Variants in LRP1B observed in about 807,000 individuals in gnomAD.
LRP1B encodes LDL receptor related protein 1B.
In LRP1B, 217 loss-of-function variants were observed where a neutral mutation model predicts 556.6. The observed-to-expected ratio is 0.39, with a 90% CI of 0.35 to 0.44. LRP1B has a LOEUF of 0.44. Ranked by LOEUF, LRP1B falls within the 20% of genes least tolerant of loss-of-function variation. The pLI is 1.00. For missense variants in LRP1B, 5,053 were observed against 5,620.8 expected, an observed-to-expected ratio of 0.90 and a Z score of 3.23; for synonymous variants, 2,047 against 1,865.8, an observed-to-expected ratio of 1.10 and a Z score of -2.50.
chr2:140,938,415 C>T (rs940601753), intron 20 of LRP1B, among the ~76,000 whole-genome samples: 2 of 152,058 alleles, frequency 1.3e-5, no homozygotes, highest in African/African-American at 4.8e-5. Context: ...GGGCCTAGAT[C>T]TCTTCCAGTG....
At chr2:141,042,274 C>G (rs1389625306) in intron 11 of LRP1B, among the ~76,000 whole-genome samples, 1 of 152,036 alleles carries the variant, frequency 6.6e-6, no homozygotes, top group East Asian at 1.9e-4. Context: ...GAGCAATCAA[C>G]AGGCATGCTT....
intron 3 of LRP1B, among the ~76,000 whole-genome samples, chr2:141,348,816 T>C (rs1238569352): frequency 6.6e-6 from 1 of 152,016 alleles, no homozygotes; most frequent in African/African-American, 2.4e-5. Context: ...AGGGACCTGG[T>C]GGGAAGTAAA....
At chr2:140,588,137 A>G (rs193097423) in intron 43 of LRP1B, among the ~76,000 whole-genome samples, 1 of 152,300 alleles carries the variant, frequency 6.6e-6, no homozygotes, top group Non-Finnish European at 1.5e-5. Flanking sequence ...GTGAACATCA[A>G]GAAAAAAGAA....
At chr2:140,281,104 ACT>A (rs201746933) in intron 84 of LRP1B, among the ~76,000 whole-genome samples, 156 of 151,852 alleles carry the variant, frequency 1.0e-3, no homozygotes, top group African/African-American at 2.9e-3. Flanking sequence ...ATTATTGCAC[ACT>A]CTCTCTTTTT....
chr2:141,313,246 A>G (rs1686880279), intron 3 of LRP1B, among the ~76,000 whole-genome samples: 1 of 152,174 alleles, frequency 6.6e-6, no homozygotes, highest in African/African-American at 2.4e-5. Context: ...TCTCACTGTG[A>G]CATTGTTTTC....
chr2:141,996,395 T>A (rs572619978), intron 1 of LRP1B, among the ~76,000 whole-genome samples: 31 of 65,254 alleles, frequency 4.8e-4, no homozygotes, highest in Non-Finnish European at 8.9e-4. Flanking sequence ...CCTAATATCA[T>A]TGAACCTCTA....
intron 66 of LRP1B, among the ~76,000 whole-genome samples, chr2:140,408,873 C>G (rs976365906): frequency 1.3e-5 from 2 of 151,688 alleles, no homozygotes; most frequent in Non-Finnish European, 2.9e-5. Context: ...GTGTTGAGAC[C>G]AGGGTAGCTG....
intron 3 of LRP1B, among the ~76,000 whole-genome samples, chr2:141,453,401 C>A (rs1000671560): frequency 6.6e-6 from 1 of 152,022 alleles, no homozygotes; most frequent in African/African-American, 2.4e-5. Context: ...TTCCAATTTC[C>A]ACTTCTCAAC....
chr2:141,236,160 G>A (rs1169548510), intron 5 of LRP1B, among the ~76,000 whole-genome samples: 3 of 152,080 alleles, frequency 2.0e-5, no homozygotes, highest in Admixed American at 6.6e-5. Flanking sequence ...TTTATTTGGG[G>A]GGATTATTTA....
At chr2:141,950,799 A>G (rs563020114) in intron 1 of LRP1B, among the ~76,000 whole-genome samples, 1 of 152,282 alleles carries the variant, frequency 6.6e-6, no homozygotes, top group East Asian at 1.9e-4. Context: ...AGAGAAAATG[A>G]AGCCAAAAAT....
At position 141,357,764 on chromosome 2, in the gene LRP1B, T is replaced by C. The variant is rs16845904; in HGVS notation, c.344-103123A>G. 8.9e-3 allele frequency among the ~76,000 whole-genome samples: 1,350 copies of C among 152,322 alleles called. 22 individuals carry two copies. The highest frequency in any genetic ancestry group is 0.03 in the African/African-American group (1,248 of 41,560). On this transcript the variant is annotated intron_variant, in intron 3 of 90. Coordinates refer to ENST00000389484, the MANE Select transcript of LRP1B (RefSeq NM_018557.3). Reference sequence around the variant, plus strand: ...ATTTATGGAATATTTGTCACTGAAATGTAATAAGCACATAGACTATGAATA... The same window carrying C: ...ATTTATGGAATATTTGTCACTGAAACGTAATAAGCACATAGACTATGAATA...
chr2:140,800,894 A>G (rs1379501754), intron 32 of LRP1B, among the ~76,000 whole-genome samples: 3 of 152,070 alleles, frequency 2.0e-5, no homozygotes, highest in Admixed American at 2.0e-4. Context: ...TTCAATTCAA[A>G]TCCTAATATC....
At chr2:140,563,172 TCACA>T (rs3061360) in intron 43 of LRP1B, among the ~76,000 whole-genome samples, 1 of 150,240 alleles carries the variant, frequency 6.7e-6, no homozygotes, top group South Asian at 2.1e-4. Context: ...CTCTATTATT[TCACA>T]CACACACACA....
intron 3 of LRP1B, among the ~76,000 whole-genome samples, chr2:141,319,242 C>T (rs1432825204): frequency 6.6e-6 from 1 of 150,690 alleles, no homozygotes; most frequent in Non-Finnish European, 1.5e-5. Context: ...AATATCTTTA[C>T]CCTTTGACCA....
intron 43 of LRP1B, among the ~76,000 whole-genome samples, chr2:140,588,764 C>T (rs1470895832): frequency 2.0e-5 from 3 of 152,012 alleles, no homozygotes; most frequent in Non-Finnish European, 2.9e-5. Context: ...AGGAGATCAG[C>T]CTGGCTAACA....
chr2:141,191,826 A>G (rs527624523), intron 6 of LRP1B, among the ~76,000 whole-genome samples: 1 of 151,918 alleles, frequency 6.6e-6, no homozygotes, highest in African/African-American at 2.4e-5. Context: ...TCACTGTTAC[A>G]AATGTCGTTT....
At chr2:141,592,821 C>G (rs954217276) in intron 2 of LRP1B, among the ~76,000 whole-genome samples, 9 of 152,080 alleles carry the variant, frequency 5.9e-5, no homozygotes, top group Non-Finnish European at 1.2e-4. Flanking sequence ...TAGAAAGAAT[C>G]CTTGGTACTC....
At chr2:141,529,850 A>C (rs1360345056) in intron 2 of LRP1B, among the ~76,000 whole-genome samples, 7 of 152,130 alleles carry the variant, frequency 4.6e-5, no homozygotes, top group Admixed American at 4.6e-4. Context: ...TGCTGAATAT[A>C]AACAAGAAAA....
At chr2:140,969,274 C>T (rs1056910353) in intron 18 of LRP1B, among the ~76,000 whole-genome samples, 11 of 152,210 alleles carry the variant, frequency 7.2e-5, no homozygotes, top group African/African-American at 2.7e-4. Context: ...GATCCCTTTA[C>T]CATTATGTAA....
Sources: gnomAD v4.1 joint callset for allele counts (sites outside exome capture counted in the v4.1 genomes callset) on GRCh38, gnomAD v4.1.1 for gene constraint, MANE v1.5 for transcripts, NCBI Gene and HGNC (gene_info 2026-07-23, HGNC 2026-07-21) for gene names.